POLN: variants seen among roughly 807,000 people sequenced by gnomAD.
The protein encoded by POLN is DNA polymerase nu, also known as DNA polymerase N.
POLN carries 108 observed loss-of-function variants against 113.5 expected under a neutral mutation model. The observed-to-expected ratio is 0.95, with a 90% CI of 0.81 to 1.12. POLN has a LOEUF of 1.12. POLN is among the 50% of genes most tolerant of loss of function. The pLI, the probability that POLN is intolerant of heterozygous loss-of-function variation, is 0.00. For missense variants in POLN, 1,097 were observed against 1,077.1 expected (o/e 1.02, Z -0.26); for synonymous variants, 386 against 391.5 (o/e 0.99, Z 0.17).
intron 16 of POLN, among the ~76,000 whole-genome samples, chr4:2,149,670 T>C (rs1223019104): frequency 2.6e-5 from 4 of 152,168 alleles, no homozygotes; most frequent in African/African-American, 9.7e-5. Context: ...TCTGTGGTCC[T>C]AGCTACTCTG....
rs142849388 is a variant in POLN, at chr4:2,138,244, A to G, written c.1732-6954T>C. 4.0e-3 allele frequency among the ~76,000 whole-genome samples: 603 copies of G among 152,322 alleles called. 6 individuals are homozygous for G. Among genetic ancestry groups the G allele is most frequent in the South Asian group, 7.3e-3 (35 of 4,826 alleles). On this transcript the variant is annotated intron_variant, in intron 16 of 25. Coordinates refer to ENST00000511885, the MANE Select transcript of POLN (RefSeq NM_181808.4). ...GATGATGAATGGAGAGTGACAGGAA[A>G]TGGGGTTGGAGAAGCAGGTGGGGTC...
chr4:2,183,943 T>TGCC (rs2108752937), intron 7 of POLN, among the ~76,000 whole-genome samples: 1 of 151,946 alleles, frequency 6.6e-6, no homozygotes, highest in South Asian at 2.1e-4. Flanking sequence ...AATCTCTGCC[T>TGCC]GCCAGGTTCA....
At chr4:2,091,301 G>A (rs901190256) in intron 20 of POLN, among the ~76,000 whole-genome samples, 2 of 152,066 alleles carry the variant, frequency 1.3e-5, no homozygotes, top group Admixed American at 6.5e-5. Flanking sequence ...TGGAGCTGTC[G>A]GGATCTCTGA....
chr4:2,117,295 G>T (rs575448938), intron 19 of POLN, among the ~76,000 whole-genome samples: 1 of 152,324 alleles, frequency 6.6e-6, no homozygotes, highest in South Asian at 2.1e-4. Context: ...GTGGGATGAG[G>T]AAGTATACTC....
rs4031130 is a variant in POLN at position 2,098,918 on chromosome 4, GCACACA to G, written c.1983-2991_1983-2986del. ...TGTGTGTGCACATGCACGTGCGTGC[GCACACA>G]CACACACACACACACACACACTGAA... On this transcript the variant is annotated intron_variant, in intron 19 of 25. Transcript: ENST00000511885. 5.0e-3 allele frequency among the ~76,000 whole-genome samples: 751 copies of G among 149,980 alleles called. 3 individuals are homozygous for G. Among genetic ancestry groups the G allele is most frequent in the Middle Eastern group, 0.031 (9 of 290 alleles).
At chr4:2,166,042 G>A (rs1732720495) in intron 13 of POLN, among the ~76,000 whole-genome samples, 1 of 152,158 alleles carries the variant, frequency 6.6e-6, no homozygotes, top group South Asian at 2.1e-4. Flanking sequence ...CTCCCAACGT[G>A]CTGGGATTAT....
At chr4:2,239,956 T>A in intron 2 of POLN, 1 of 1,062,338 alleles carries the variant, frequency 9.4e-7, no homozygotes, top group Non-Finnish European at 1.4e-6. Context: ...TGCACCATTC[T>A]AAAGTACTTT....
chr4:2,164,782 G>A (rs1476101949), intron 13 of POLN, among the ~76,000 whole-genome samples: 5 of 117,440 alleles, frequency 4.3e-5, no homozygotes, highest in African/African-American at 6.9e-5. Context: ...CAACCTGGCC[G>A]ATGGAGCAAG....
At position 2,192,888 on chromosome 4, in the gene POLN, T is replaced by A. The variant is rs1040698040; in HGVS notation, c.1021+316A>T. 2.6e-5 allele frequency among the ~76,000 whole-genome samples: 4 copies of A among 151,990 alleles called. No homozygotes were observed. In the East Asian group the frequency reaches 7.7e-4, roughly 29 times the overall value. On this transcript the variant is annotated intron_variant, in intron 7 of 25. Transcript: ENST00000511885. ...CCTATATTGTTTTGATGTTAATTAC[T>A]CTGGACTGTAGTTTAATTCTTAGAA...
At position 2,159,288 on chromosome 4, in the gene POLN, G is replaced by T. The variant is rs532188257; in HGVS notation, c.1555-77C>A. ...AAACACGTATTTTCATCTGGAGAAA[G>T]TCCTCATAATAAATGGTCTAATTGA... On this transcript the variant is annotated intron_variant, in intron 13 of 25. Coordinates refer to ENST00000511885, the MANE Select transcript of POLN (RefSeq NM_181808.4). The T allele has an allele frequency of 4.9e-6, 6 of 1,222,402 alleles. No individual in the cohort carries two copies. The African/African-American group carries it at 7.6e-5, about 15-fold the overall frequency. 75.7% of individuals were successfully genotyped at this position (1,222,402 alleles called of 1,614,324 possible).
At chr4:2,113,547 T>C (rs997602507) in intron 19 of POLN, among the ~76,000 whole-genome samples, 1 of 151,686 alleles carries the variant, frequency 6.6e-6, no homozygotes, top group African/African-American at 2.4e-5. Flanking sequence ...CTTCTATCTA[T>C]GCTATAAACC....
intron 16 of POLN, chr4:2,156,375 CT>C (rs34241266): frequency 0.61 from 234,691 of 383,432 alleles, 50,398 homozygotes; most frequent in Non-Finnish European, 0.64. Context: ...GAATTTAGAG[CT>C]TTTTTTTTTT....
intron 23 of POLN, chr4:2,080,395 G>A (rs2108688923): frequency 1.9e-6 from 2 of 1,041,146 alleles, no homozygotes; most frequent in Admixed American, 1.1e-4. Context: ...ACATCTGCAT[G>A]TTGGCTCTGG....
rs1401725321 is a variant in POLN at position 2,079,438 on chromosome 4, T to C, written c.2387+1520A>G. 7 of 985,302 alleles carry C rather than the reference T, an allele frequency of 7.1e-6. No homozygotes were observed. The African/African-American group carries it at 1.0e-4, about 15-fold the overall frequency. 61.0% of individuals were successfully genotyped at this position (985,302 alleles called of 1,614,324 possible). A position where few individuals can be genotyped will look rare whatever the true frequency, so the allele number is the denominator to read the frequency against. ...GGCACTAGAGGCTGCCTGGCATCAGTGTATATGCGTATATGTGTGTGCATG... is the reference window on the plus strand; with the variant it reads ...GGCACTAGAGGCTGCCTGGCATCAGCGTATATGCGTATATGTGTGTGCATG... On this transcript the variant is annotated intron_variant, in intron 23 of 25. Transcript: ENST00000511885.
intron 4 of POLN, among the ~76,000 whole-genome samples, chr4:2,212,814 T>A (rs1734024833): frequency 6.6e-6 from 1 of 152,166 alleles, no homozygotes; most frequent in South Asian, 2.1e-4. Flanking sequence ...AAAACTGAGT[T>A]AGATGTTCCT....
At chr4:2,131,149 C>A in intron 17 of POLN, 84 bp downstream of exon 17, 1 of 965,722 alleles carries the variant, frequency 1.0e-6, no homozygotes, top group Admixed American at 2.1e-5. Flanking sequence ...CGCACAAATG[C>A]ACTCTAGCCT....
At chr4:2,149,795 G>C (rs1336659636) in intron 16 of POLN, among the ~76,000 whole-genome samples, 1 of 150,690 alleles carries the variant, frequency 6.6e-6, no homozygotes, top group African/African-American at 2.4e-5. Context: ...TAAAAAGAGA[G>C]AGAGAGGGCC....
intron 23 of POLN, chr4:2,079,528 G>C (rs374371489): frequency 1.0e-6 from 1 of 985,802 alleles, no homozygotes; most frequent in Non-Finnish European, 1.2e-6. Flanking sequence ...GTGTGCACGT[G>C]TGTGTTGGGA....
chr4:2,141,254 G>C (rs564074593), intron 16 of POLN, among the ~76,000 whole-genome samples: 1 of 152,310 alleles, frequency 6.6e-6, no homozygotes, highest in Admixed American at 6.5e-5. Context: ...CATGGATTGT[G>C]GTATTTTAAC....
Sources: gnomAD v4.1 joint callset for allele counts (sites outside exome capture counted in the v4.1 genomes callset) on GRCh38, gnomAD v4.1.1 for gene constraint, MANE v1.5 for transcripts, NCBI Gene and HGNC (gene_info 2026-07-23, HGNC 2026-07-21) for gene names.